Variants in ACSM1 observed in about 807,000 individuals in gnomAD.
ACSM1 encodes acyl-CoA synthetase medium chain family member 1.
A neutral mutation model predicts 75.8 loss-of-function variants in ACSM1; 79 were observed. The ratio of observed to expected loss-of-function variants is 1.04; its 90% CI spans 0.87 to 1.26. The LOEUF (loss-of-function observed/expected upper bound fraction) is 1.26, where lower values mean the gene tolerates loss of function less well. ACSM1 is among the 50% of genes most tolerant of loss of function. ACSM1 has a pLI of 0.00. For missense variants in ACSM1, 676 were observed against 720.1 expected (o/e 0.94, Z 0.70); for synonymous variants, 279 against 265.8 (o/e 1.05, Z -0.48).
chr16:20,664,171 T>TTATTTATTTATTTATTTATA lies in ACSM1; in HGVS notation c.913-2299_913-2298insTATAAATAAATAAATAAATA, dbSNP rs1375975587. Among the ~76,000 whole-genome samples the TTATTTATTTATTTATTTATA allele has an allele frequency of 4.6e-5, 7 of 151,612 alleles. No individual in the cohort carries two copies. In the South Asian group the frequency reaches 1.5e-3, roughly 32 times the overall value. On this transcript the variant is annotated intron_variant, in intron 6 of 13. Coordinates refer to ENST00000520010, the MANE Select transcript of ACSM1 (RefSeq NM_001318890.3). ...AGTATTTATTTATTTATTTATTTAT[T>TTATTTATTTATTTATTTATA]TATTTTTGGTCTAAATGCCCCCTTT...
In ACSM1 at chr16:20,648,007, C is replaced by G. The variant is rs965852346; in HGVS notation, c.993-7423G>C. ...GGATTACCAATAAATAGCATGGGCTCCCAGAGCTCAGGAACTTTGCAGCCT... is the reference window on the plus strand; with the variant it reads ...GGATTACCAATAAATAGCATGGGCTGCCAGAGCTCAGGAACTTTGCAGCCT... On this transcript the variant is annotated intron_variant, in intron 7 of 13. Transcript: ENST00000520010. The surrounding 1 kb of genome is among the most constrained non-coding windows in gnomAD (Gnocchi z 4.2). 3.3e-5 allele frequency among the ~76,000 whole-genome samples: 5 copies of G among 152,314 alleles called. No individual in the cohort carries two copies. The highest frequency in any genetic ancestry group is 2.0e-4 in the Admixed American group (3 of 15,298).
chr16:20,696,090 A>G (rs1416572447), intron 1 of ACSM1, among the ~76,000 whole-genome samples: 4 of 152,204 alleles, frequency 2.6e-5, no homozygotes, highest in African/African-American at 9.7e-5. Context: ...AACAAGCTAC[A>G]TAGGTTTGTA....
intron 1 of ACSM1, among the ~76,000 whole-genome samples, chr16:20,693,093 C>G (rs1324116371): frequency 4.0e-5 from 6 of 151,636 alleles, no homozygotes; most frequent in African/African-American, 1.2e-4. Flanking sequence ...TCACTTGAAC[C>G]TGGGAGTCGG....
intron 4 of ACSM1, among the ~76,000 whole-genome samples, chr16:20,672,433 A>G (rs234273): frequency 0.16 from 18,428 of 118,110 alleles, 2,272 homozygotes; most frequent in African/African-American, 0.33. Context: ...TGGGTGACAG[A>G]GCAAAACTCC....
chr16:20,671,496 G>A (rs368610490), intron 5 of ACSM1, 35 bp downstream of exon 5: 1 of 1,568,514 alleles, frequency 6.4e-7, no homozygotes, highest in African/African-American at 1.4e-5. Context: ...GCCCACATCT[G>A]GGTCCAGCCT....
chr16:20,685,853 AC>A (rs2079545361), intron 2 of ACSM1, among the ~76,000 whole-genome samples: 14 of 147,112 alleles, frequency 9.5e-5, no homozygotes, highest in South Asian at 4.4e-4. Context: ...AAAACAAAAA[AC>A]TTATAGCATC....
chr16:20,674,143 A>G (rs1309583897), intron 4 of ACSM1: 2 of 439,454 alleles, frequency 4.6e-6, no homozygotes, highest in Non-Finnish European at 9.2e-6. Context: ...TGTGTAAGCA[A>G]AAACTCAGTT....
chr16:20,627,172 G>T lies in ACSM1; in HGVS notation c.1427+17C>A. ...TGTGACGGCAACAACAGCCAGCCCA[G>T]CATCAGCCACACCTACCCAGAGGCA... On this transcript the variant is annotated intron_variant, in intron 11 of 13. Coordinates refer to ENST00000520010, the MANE Select transcript of ACSM1 (RefSeq NM_001318890.3). The T allele has an allele frequency of 6.6e-7, 1 of 1,517,966 alleles. No individual in the cohort carries two copies. Among genetic ancestry groups the T allele is most frequent in the Non-Finnish European group, 8.8e-7 (1 of 1,142,050 alleles). 94.0% of individuals were successfully genotyped at this position (1,517,966 alleles called of 1,614,324 possible). A position where few individuals can be genotyped will look rare whatever the true frequency, so the allele number is the denominator to read the frequency against.
intron 7 of ACSM1, among the ~76,000 whole-genome samples, chr16:20,657,990 C>T (rs2019076970): frequency 6.6e-6 from 1 of 152,178 alleles, no homozygotes; most frequent in Admixed American, 6.5e-5. Flanking sequence ...GCCACATTTT[C>T]ATAATCCAGT....
At chr16:20,660,049 C>T (rs1200722822) in intron 7 of ACSM1, among the ~76,000 whole-genome samples, 1 of 152,156 alleles carries the variant, frequency 6.6e-6, no homozygotes, top group Non-Finnish European at 1.5e-5. Flanking sequence ...ACCTTGGGCA[C>T]ATGTTCTCAG....
At chr16:20,697,228 A>G (rs1203120387) in intron 1 of ACSM1, among the ~76,000 whole-genome samples, 2 of 152,054 alleles carry the variant, frequency 1.3e-5, no homozygotes, top group Non-Finnish European at 2.9e-5. Context: ...ATGTATTACT[A>G]TGCTTGGATA....
chr16:20,685,371 C>T lies in ACSM1; in HGVS notation c.225G>A (p.Trp75Ter). ...EGKRGPNPAFWWVNGQGDEVK... is the reference protein window; with the variant it reads ...EGKRGPNPAF The stretch of plus-strand genomic sequence containing the variant: ...CTTCATCCCCTTGGCCATTCACCCA[C>T]CAAAAAGCTGGATTTGGACCTCTCT... Residue 75 changes from tryptophan (W) to a stop codon, truncating the protein, a stop_gained, in exon 3 of 14, where the codon TGG (tryptophan) becomes TGA (stop). Transcript: ENST00000520010. LOFTEE classifies it high-confidence loss of function. 5 of 1,614,204 alleles carry T rather than the reference C, an allele frequency of 3.1e-6. No homozygotes were observed. Among genetic ancestry groups the T allele is most frequent in the Non-Finnish European group, 4.2e-6 (5 of 1,180,024 alleles).
intron 7 of ACSM1, among the ~76,000 whole-genome samples, chr16:20,657,564 C>T (rs1251802753): frequency 2.0e-5 from 3 of 152,118 alleles, no homozygotes; most frequent in African/African-American, 7.2e-5. Flanking sequence ...CCACCTCGGC[C>T]TCCCAAAGTG....
chr16:20,671,336 T>C (rs1254257370), intron 5 of ACSM1, among the ~76,000 whole-genome samples, 195 bp downstream of exon 5: 1 of 151,906 alleles, frequency 6.6e-6, no homozygotes, highest in Non-Finnish European at 1.5e-5. Flanking sequence ...AGCAAACATT[T>C]AGGATTCCCA....
At chr16:20,692,037 G>C (rs2079659187) in intron 1 of ACSM1, among the ~76,000 whole-genome samples, 1 of 152,072 alleles carries the variant, frequency 6.6e-6, no homozygotes, top group Non-Finnish European at 1.5e-5. Flanking sequence ...ATATTCTCTG[G>C]ATTCTGTAAG....
intron 6 of ACSM1, among the ~76,000 whole-genome samples, chr16:20,668,132 C>T (rs1011827267): frequency 2.6e-5 from 4 of 152,044 alleles, no homozygotes; most frequent in Non-Finnish European, 5.9e-5. Flanking sequence ...ACTCATGTAA[C>T]GAATCTGCAC....
At chr16:20,673,939 T>C (rs775419063) in intron 4 of ACSM1, 3 of 284,538 alleles carry the variant, frequency 1.1e-5, no homozygotes, top group African/African-American at 2.2e-5. Context: ...AAATGTGAAA[T>C]TTTACAGATA....
rs772676961 is a variant in ACSM1 at position 20,685,210 on chromosome 16, A to G, written c.386T>C (p.Val129Ala). Reference protein sequence around the residue: ...PRVPEWWLVAVGCMRTGIIFI... With the variant: ...PRVPEWWLVAAGCMRTGIIFI... ...TCACTGACCTGTTCGCATGCAGCCC[A>G]CAGCCACCAGCCACCACTCAGGAAC... Residue 129 changes from valine (V) to alanine (A), a missense_variant, in exon 3 of 14, where the codon GTG becomes GCG. By Grantham distance (64) the Val-to-Ala change is moderately conservative. Coordinates refer to ENST00000520010, the MANE Select transcript of ACSM1 (RefSeq NM_001318890.3). 1 of 1,614,166 alleles carries G rather than the reference A, an allele frequency of 6.2e-7. No individual in the cohort carries two copies. Among genetic ancestry groups the G allele is most frequent in the Non-Finnish European group, 8.5e-7 (1 of 1,180,004 alleles).
chr16:20,660,070 G>A (rs1208198655), intron 7 of ACSM1, among the ~76,000 whole-genome samples: 1 of 152,174 alleles, frequency 6.6e-6, no homozygotes, highest in African/African-American at 2.4e-5. Flanking sequence ...GACCTCCTGA[G>A]GGCTGTGTCA....
Sources: gnomAD v4.1 joint callset for allele counts (sites outside exome capture counted in the v4.1 genomes callset) on GRCh38, gnomAD v4.1.1 for gene constraint, Gnocchi (gnomAD v3.1) non-coding constraint, MANE v1.5 for transcripts, NCBI Gene and HGNC (gene_info 2026-07-23, HGNC 2026-07-21) for gene names.